The following FBXW11 variants were observed in gnomAD, a reference collection of about 807,000 sequenced individuals.
The protein encoded by FBXW11 is F-box/WD repeat-containing protein 11.
FBXW11 carries 19 observed loss-of-function variants against 77.6 expected under a neutral mutation model. The ratio of observed to expected loss-of-function variants is 0.24; its 90% confidence interval spans 0.17 to 0.36. The LOEUF is 0.36. FBXW11 is among the 10% of genes least tolerant of loss of function. The probability of loss-of-function intolerance (pLI) is 1.00; values close to 1 mark genes in which losing one functional copy is unlikely to be tolerated. For missense variants in FBXW11, 334 were observed against 704.2 expected (o/e 0.47, Z 5.95); for synonymous variants, 235 against 249.4 (o/e 0.94, Z 0.54).
At chr5:171,942,524 T>C (rs1234228523) in intron 2 of FBXW11, among the ~76,000 whole-genome samples, 1 of 152,132 alleles carries the variant, frequency 6.6e-6, no homozygotes, top group East Asian at 1.9e-4. Flanking sequence ...CTCATTGCTA[T>C]TGTGACAGCT....
intron 1 of FBXW11, among the ~76,000 whole-genome samples, chr5:171,997,545 A>G (rs908341673): frequency 2.0e-5 from 3 of 152,232 alleles, no homozygotes; most frequent in Admixed American, 6.5e-5. Flanking sequence ...TCATATCTAC[A>G]TATTACCCAA....
At chr5:171,893,759 G>A (rs1183825354) in intron 6 of FBXW11, among the ~76,000 whole-genome samples, 1 of 152,106 alleles carries the variant, frequency 6.6e-6, no homozygotes, top group African/African-American at 2.4e-5. Flanking sequence ...CAGAATGTAT[G>A]ATGTCATATT....
At chr5:171,933,220 G>A (rs1762309573) in intron 2 of FBXW11, among the ~76,000 whole-genome samples, 1 of 151,220 alleles carries the variant, frequency 6.6e-6, no homozygotes, top group Non-Finnish European at 1.5e-5. Context: ...CAAAAAACCT[G>A]GTGGAAACTT....
chr5:171,870,777 G>C lies in FBXW11; in HGVS notation c.1422C>G (p.Asn474Lys). 6.2e-7 allele frequency: 1 copy of C among 1,613,796 alleles called. No homozygotes were observed. The highest frequency in any genetic ancestry group is 1.1e-5 in the South Asian group (1 of 91,068). Residue 474 changes from asparagine (N) to lysine (K), a missense_variant, in exon 11 of 14, where the codon AAC becomes AAG. Asn to Lys is a moderately conservative substitution (Grantham distance 94, BLOSUM62 0). Coordinates refer to ENST00000517395, the MANE Select transcript of FBXW11 (RefSeq NM_001378974.1). ...CATAGGCCCCACTGACAATCCTCTT[G>C]TTATCAAACCGGATGCATCGGACCA... Reference protein sequence around the residue: ...EELVRCIRFDNKRIVSGAYDG... With the variant: ...EELVRCIRFDKKRIVSGAYDG...
chr5:171,916,418 G>C, intron 2 of FBXW11: 1 of 984,464 alleles, frequency 1.0e-6, no homozygotes, highest in Non-Finnish European at 1.2e-6. Flanking sequence ...CAATGAGGGA[G>C]AGGGACAGGA....
At chr5:171,896,484 C>T (rs1276109757) in intron 6 of FBXW11, among the ~76,000 whole-genome samples, 2 of 152,132 alleles carry the variant, frequency 1.3e-5, no homozygotes, top group African/African-American at 4.8e-5. Context: ...AAGGACACTG[C>T]GTATTCACAC....
intron 2 of FBXW11, among the ~76,000 whole-genome samples, chr5:171,955,149 T>C (rs1177165805): frequency 3.3e-5 from 5 of 152,234 alleles, no homozygotes; most frequent in East Asian, 3.8e-4. Context: ...TAGACGATGG[T>C]AGAAACTTCC....
At chr5:171,928,755 T>C (rs1424148510) in intron 2 of FBXW11, among the ~76,000 whole-genome samples, 2 of 152,220 alleles carry the variant, frequency 1.3e-5, no homozygotes, top group Non-Finnish European at 2.9e-5. Context: ...GAATATCCAT[T>C]CACACTTCTA....
At chr5:171,874,752 C>CAAAAAA (rs34775989) in intron 9 of FBXW11, among the ~76,000 whole-genome samples, 3 of 38,116 alleles carry the variant, frequency 7.9e-5, no homozygotes, top group African/African-American at 2.3e-4. Context: ...CTGGTCTCTA[C>CAAAAAA]AAAAAAAAAA....
intron 1 of FBXW11, among the ~76,000 whole-genome samples, chr5:171,977,122 T>G (rs892190542): frequency 2.6e-5 from 4 of 151,552 alleles, no homozygotes; most frequent in African/African-American, 9.7e-5. Context: ...GGAAGATCAC[T>G]TGAGCCCAGG....
At chr5:171,918,949 G>A (rs1424117401) in intron 2 of FBXW11, among the ~76,000 whole-genome samples, 1 of 152,118 alleles carries the variant, frequency 6.6e-6, no homozygotes, top group African/African-American at 2.4e-5. Context: ...ACTTGACACC[G>A]TGGGAGAATA....
chr5:171,871,564 A>G (rs749923895), intron 10 of FBXW11, among the ~76,000 whole-genome samples: 1 of 152,236 alleles, frequency 6.6e-6, no homozygotes, highest in Non-Finnish European at 1.5e-5. Flanking sequence ...GACAACACCA[A>G]GTCTTTTTCT....
chr5:171,901,319 A>G (rs903842592), intron 4 of FBXW11, among the ~76,000 whole-genome samples: 7 of 152,242 alleles, frequency 4.6e-5, no homozygotes, highest in African/African-American at 1.7e-4. Context: ...TTGAAAGGCC[A>G]GATGTAGGTA....
intron 1 of FBXW11, 40 bp downstream of exon 1, chr5:172,006,418 G>A: frequency 2.0e-6 from 3 of 1,508,684 alleles, no homozygotes; most frequent in Non-Finnish European, 1.8e-6. Flanking sequence ...CCCGGGGCCG[G>A]ACGGACGGAA....
At chr5:171,950,613 C>T (rs961781692) in intron 2 of FBXW11, among the ~76,000 whole-genome samples, 2 of 152,130 alleles carry the variant, frequency 1.3e-5, no homozygotes, top group African/African-American at 4.8e-5. Flanking sequence ...TGGCTGGGTG[C>T]GGTGGCTCAT....
chr5:171,879,749 CT>C (rs912425825), intron 7 of FBXW11, among the ~76,000 whole-genome samples: 4 of 152,172 alleles, frequency 2.6e-5, no homozygotes, highest in Admixed American at 6.5e-5. Context: ...GTATATCCTT[CT>C]TTGGTGAGAT....
At chr5:171,979,306 C>T (rs2113478358) in intron 1 of FBXW11, among the ~76,000 whole-genome samples, 1 of 152,072 alleles carries the variant, frequency 6.6e-6, no homozygotes, top group South Asian at 2.1e-4. Context: ...AAGACCCTCT[C>T]TCAAAAAATA....
At chr5:171,991,823 G>A (rs946337517) in intron 1 of FBXW11, among the ~76,000 whole-genome samples, 3 of 148,268 alleles carry the variant, frequency 2.0e-5, no homozygotes, top group African/African-American at 7.3e-5. Context: ...AAGATGAAAA[G>A]GAGAGGGTGT....
Position 171,972,502 on chromosome 5 carries a change from T to TAAAAA in FBXW11, c.46-14809_46-14805dup, listed in dbSNP as rs70982360. On this transcript the variant is annotated intron_variant, in intron 1 of 13. Transcript: ENST00000517395. ...GGCAACAGAGTGAGACTCTGTCTCA[T>TAAAAA]AAAAAAAAAAAAAAAAAAAAAAAAA... is the stretch of plus-strand genomic sequence containing the variant. 4.1e-4 allele frequency among the ~76,000 whole-genome samples: 20 copies of TAAAAA among 48,206 alleles called. 1 individual carries two copies. Among genetic ancestry groups the TAAAAA allele is most frequent in the East Asian group, 1.5e-3 (2 of 1,372 alleles). 31.6% of individuals were successfully genotyped at this position (48,206 alleles called of 152,430 possible).
Sources: allele counts gnomAD v4.1 joint callset (sites outside exome capture counted in the v4.1 genomes callset), GRCh38; gene constraint gnomAD v4.1.1; transcripts MANE v1.5; gene names NCBI Gene and HGNC (gene_info 2026-07-23, HGNC 2026-07-21).